DAB1: variants seen among roughly 807,000 people sequenced by gnomAD.
The protein encoded by DAB1 is DAB adaptor protein 1.
A neutral mutation model predicts 64.6 loss-of-function variants in DAB1; 15 were observed. That is an observed-to-expected ratio of 0.23 (90% CI 0.16 to 0.36). DAB1 has a LOEUF of 0.36. Ranked by LOEUF, DAB1 falls within the 10% of genes least tolerant of loss-of-function variation. DAB1 has a pLI of 1.00. For missense variants in DAB1, 596 were observed against 706.7 expected (o/e 0.84, Z 1.78); for synonymous variants, 235 against 251.9 (o/e 0.93, Z 0.64).
intron 5 of DAB1, among the ~76,000 whole-genome samples, chr1:58,007,017 G>A (rs1022672965): frequency 2.6e-5 from 4 of 152,172 alleles, no homozygotes; most frequent in Middle Eastern, 6.8e-3. Flanking sequence ...TCTCAGTGAG[G>A]TGGGCTGTTA....
intron 9 of DAB1, among the ~76,000 whole-genome samples, chr1:57,034,077 G>C (rs973341215): frequency 6.6e-6 from 1 of 152,020 alleles, no homozygotes; most frequent in African/African-American, 2.4e-5. Context: ...TCAGGAGATC[G>C]AGACCAGCCT....
chr1:57,292,988 G>A (rs572304053), intron 1 of DAB1, among the ~76,000 whole-genome samples: 5 of 152,206 alleles, frequency 3.3e-5, no homozygotes, highest in South Asian at 4.1e-4. Context: ...TCAAAAGGAC[G>A]ATAAGGGAAA....
At chr1:57,130,008 C>T (rs1028521013) in intron 4 of DAB1, among the ~76,000 whole-genome samples, 3 of 151,666 alleles carry the variant, frequency 2.0e-5, no homozygotes, top group Admixed American at 1.3e-4. Flanking sequence ...CAGGCCTGGC[C>T]GATACAACAA....
chr1:57,531,388 T>G (rs954994957), intron 7 of DAB1, among the ~76,000 whole-genome samples: 11 of 152,100 alleles, frequency 7.2e-5, no homozygotes, highest in African/African-American at 2.2e-4. Flanking sequence ...GCTGACTCTC[T>G]TTTCTGACTC....
At chr1:58,021,003 C>T (rs1646807501) in intron 5 of DAB1, among the ~76,000 whole-genome samples, 1 of 152,090 alleles carries the variant, frequency 6.6e-6, no homozygotes, top group Admixed American at 6.6e-5. Context: ...GGAGTGAGAC[C>T]CTGCGCCCCG....
intron 4 of DAB1, among the ~76,000 whole-genome samples, chr1:58,313,818 C>CGTGTGTGTGTGTGT (rs563478816): frequency 4.7e-5 from 4 of 85,934 alleles, no homozygotes; most frequent in African/African-American, 1.6e-4. Context: ...ATTGTATCTT[C>CGTGTGTGTGTGTGT]ATGTGTGTGT....
chr1:57,407,013 T>C (rs1683695172), intron 1 of DAB1, among the ~76,000 whole-genome samples: 1 of 152,266 alleles, frequency 6.6e-6, no homozygotes, highest in African/African-American at 2.4e-5. Context: ...CTGTAAGTTA[T>C]GGATTAATAA....
chr1:57,493,358 G>T (rs766102836), intron 7 of DAB1, among the ~76,000 whole-genome samples: 3 of 151,306 alleles, frequency 2.0e-5, no homozygotes, highest in Non-Finnish European at 4.4e-5. Context: ...TAGCTATATT[G>T]GGCAACTTGT....
intron 1 of DAB1, among the ~76,000 whole-genome samples, chr1:57,296,326 T>C (rs1288681489): frequency 9.9e-5 from 15 of 152,152 alleles, no homozygotes. Flanking sequence ...TATATATGTG[T>C]TGATATGCAA....
In DAB1 at chr1:57,990,025, C is replaced by T. The variant is rs753127823; in HGVS notation, n.388-105863G>A. On this transcript the variant is annotated intron_variant and non_coding_transcript_variant, in intron 5 of 20. Coordinates refer to the DAB1 transcript ENST00000485760. ...TGAATCTGTCATTTGCGAGCCTGAC[C>T]TCATAACTCAGCCAAGCCAAGCTGC... Among the ~76,000 whole-genome samples, 37 of 152,052 alleles carry T rather than the reference C, an allele frequency of 2.4e-4. 1 individual carries two copies. Among genetic ancestry groups the T allele is most frequent in the Non-Finnish European group, 3.1e-4 (21 of 68,016 alleles).
chr1:58,233,662 C>G (rs924931713), intron 4 of DAB1, among the ~76,000 whole-genome samples: 5 of 152,170 alleles, frequency 3.3e-5, no homozygotes, highest in South Asian at 2.1e-4. Flanking sequence ...GTCAAGGTCA[C>G]CTGGCTAGCA....
intron 4 of DAB1, among the ~76,000 whole-genome samples, chr1:57,105,994 A>C (rs1165957683): frequency 6.6e-6 from 1 of 152,158 alleles, no homozygotes; most frequent in Non-Finnish European, 1.5e-5. Context: ...GAGGCCAAGC[A>C]GATCTCTTAA....
intron 7 of DAB1, among the ~76,000 whole-genome samples, chr1:57,429,323 T>G (rs1002152467): frequency 6.6e-6 from 1 of 152,358 alleles, no homozygotes; most frequent in African/African-American, 2.4e-5. Context: ...TTTGCCCGTT[T>G]TAAAAATAAG....
intron 2 of DAB1, among the ~76,000 whole-genome samples, chr1:57,172,443 C>T (rs1661868362): frequency 6.6e-6 from 1 of 152,108 alleles, no homozygotes; most frequent in Admixed American, 6.6e-5. Context: ...ATGATTTGGC[C>T]AAATGGCATT....
At chr1:57,052,091 CT>C (rs1359486713) in intron 9 of DAB1, among the ~76,000 whole-genome samples, 1 of 121,308 alleles carries the variant, frequency 8.2e-6, no homozygotes, top group African/African-American at 3.2e-5. Context: ...ACACCAGTTT[CT>C]TTATATGTAA....
intron 7 of DAB1, among the ~76,000 whole-genome samples, chr1:57,500,198 T>A (rs568218567): frequency 6.6e-6 from 1 of 152,294 alleles, no homozygotes; most frequent in South Asian, 2.1e-4. Flanking sequence ...ATGCTATATC[T>A]CCCCCTTTCA....
chr1:57,920,457 G>A (rs899254264), intron 5 of DAB1, among the ~76,000 whole-genome samples: 5 of 152,126 alleles, frequency 3.3e-5, no homozygotes, highest in Admixed American at 2.0e-4. Flanking sequence ...GTGAGTACAG[G>A]TGTGCACCAC....
intron 3 of DAB1, among the ~76,000 whole-genome samples, chr1:58,357,379 T>C (rs1251360730): frequency 6.6e-6 from 1 of 152,060 alleles, no homozygotes; most frequent in African/African-American, 2.4e-5. Context: ...TTAAGGAACA[T>C]GGTGGGTGGT....
intron 7 of DAB1, among the ~76,000 whole-genome samples, chr1:57,604,341 G>C (rs1645609823): frequency 6.6e-6 from 1 of 151,694 alleles, no homozygotes; most frequent in African/African-American, 2.4e-5. Flanking sequence ...TGAAGGTGCT[G>C]TATCACCTTT....
Sources: allele counts gnomAD v4.1 joint callset (sites outside exome capture counted in the v4.1 genomes callset), GRCh38; gene constraint gnomAD v4.1.1; transcripts MANE v1.5; gene names NCBI Gene and HGNC (gene_info 2026-07-23, HGNC 2026-07-21).